CCSER1: variants seen among roughly 807,000 people sequenced by gnomAD.
The protein encoded by CCSER1 is serine-rich coiled-coil domain-containing protein 1.
Under a neutral mutation model 82.0 loss-of-function variants are expected in CCSER1, and 41 were observed. The ratio of observed to expected loss-of-function variants is 0.50; its 90% confidence interval spans 0.39 to 0.65. The LOEUF (loss-of-function observed/expected upper bound fraction) is 0.65, where lower values mean the gene tolerates loss of function less well. Ranked by LOEUF, CCSER1 falls within the 30% of genes least tolerant of loss-of-function variation. CCSER1 has a pLI of 0.00. For synonymous variants in CCSER1, 414 were observed against 383.9 expected, an observed-to-expected ratio of 1.08 and a Z score of -0.92; for missense variants, 1,119 against 1,064.2, an observed-to-expected ratio of 1.05 and a Z score of -0.72.
intron 10 of CCSER1, among the ~76,000 whole-genome samples, chr4:91,166,779 A>T (rs1290005459): frequency 6.6e-6 from 1 of 152,176 alleles, no homozygotes; most frequent in Non-Finnish European, 1.5e-5. Context: ...TGAAAGATTT[A>T]CGTGTAAACA....
intron 10 of CCSER1, among the ~76,000 whole-genome samples, chr4:91,151,387 C>T (rs1273868242): frequency 6.6e-6 from 1 of 151,846 alleles, no homozygotes; most frequent in Non-Finnish European, 1.5e-5. Flanking sequence ...TTGCTAGTGG[C>T]CTATCAATTT....
chr4:91,242,867 C>G (rs1739477167), intron 10 of CCSER1, among the ~76,000 whole-genome samples: 1 of 152,100 alleles, frequency 6.6e-6, no homozygotes, highest in Admixed American at 6.5e-5. Context: ...GAATAGAAGC[C>G]TACGTTGTTT....
At chr4:91,136,961 T>A (rs1273457132) in intron 10 of CCSER1, among the ~76,000 whole-genome samples, 2 of 152,046 alleles carry the variant, frequency 1.3e-5, no homozygotes, top group Non-Finnish European at 1.5e-5. Flanking sequence ...CCTAACTTAA[T>A]AGGGAATTCA....
At chr4:91,171,938 G>A (rs1411412964) in intron 10 of CCSER1, among the ~76,000 whole-genome samples, 2 of 151,146 alleles carry the variant, frequency 1.3e-5, no homozygotes, top group Non-Finnish European at 3.0e-5. Context: ...AAATATTCAG[G>A]GTCCAACTTT....
At chr4:90,880,519 C>T (rs1156326579) in intron 8 of CCSER1, among the ~76,000 whole-genome samples, 1 of 152,102 alleles carries the variant, frequency 6.6e-6, no homozygotes, top group Non-Finnish European at 1.5e-5. Flanking sequence ...GGGGTCTTTG[C>T]TACTTCATTA....
chr4:90,671,964 A>G (rs1732879478), intron 6 of CCSER1, among the ~76,000 whole-genome samples: 1 of 152,012 alleles, frequency 6.6e-6, no homozygotes, highest in Non-Finnish European at 1.5e-5. Flanking sequence ...TAATATTTTG[A>G]AAGGAATCTT....
At chr4:91,468,871 T>A (rs551751118) in intron 10 of CCSER1, among the ~76,000 whole-genome samples, 1 of 152,228 alleles carries the variant, frequency 6.6e-6, no homozygotes, top group Non-Finnish European at 1.5e-5. Context: ...TTGACTCATG[T>A]CTCATTGGTG....
rs928197400 is a variant in CCSER1, at chr4:90,863,066, T to C, written c.2094+47221T>C. 5.3e-5 allele frequency among the ~76,000 whole-genome samples: 8 copies of C among 151,480 alleles called. No homozygotes were observed. The South Asian group carries it at 1.7e-3, about 32-fold the overall frequency. On this transcript the variant is annotated intron_variant, in intron 8 of 10. Coordinates refer to ENST00000509176, the MANE Select transcript of CCSER1 (RefSeq NM_001145065.2). ...AACTCATCATTTAGCATTAGGTATA[T>C]CTCCTAATGCTATCCCTCCCCGCTC...
intron 6 of CCSER1, among the ~76,000 whole-genome samples, chr4:90,646,991 A>G (rs966898040): frequency 6.6e-6 from 1 of 152,128 alleles, no homozygotes; most frequent in Non-Finnish European, 1.5e-5. Flanking sequence ...ATTTTAAATG[A>G]TAGCCCAGGA....
intron 5 of CCSER1, among the ~76,000 whole-genome samples, chr4:90,625,503 T>G (rs2148899935): frequency 6.6e-6 from 1 of 152,252 alleles, no homozygotes; most frequent in Non-Finnish European, 1.5e-5. Context: ...TTAAGAATGG[T>G]TTTGATTACC....
At chr4:91,229,239 A>T (rs1350512966) in intron 10 of CCSER1, among the ~76,000 whole-genome samples, 5 of 150,942 alleles carry the variant, frequency 3.3e-5, no homozygotes, top group African/African-American at 1.2e-4. Context: ...GGGCAATATG[A>T]CTCTAACCTG....
chr4:91,540,267 C>T (rs184836625), intron 10 of CCSER1, among the ~76,000 whole-genome samples: 87 of 152,146 alleles, frequency 5.7e-4, no homozygotes, highest in Admixed American at 1.5e-3. Context: ...CATTAGGGTT[C>T]GCACTTGGTC....
intron 6 of CCSER1, among the ~76,000 whole-genome samples, chr4:90,673,579 T>C (rs1733215744): frequency 6.6e-6 from 1 of 151,968 alleles, no homozygotes; most frequent in Admixed American, 6.6e-5. Context: ...TTGAGGCACA[T>C]GGATCCTTCT....
chr4:90,337,694 G>A (rs1436901031), intron 3 of CCSER1, among the ~76,000 whole-genome samples: 1 of 151,448 alleles, frequency 6.6e-6, no homozygotes, highest in Admixed American at 6.6e-5. Flanking sequence ...GTTTCTGTGA[G>A]TTGTATCAAT....
intron 10 of CCSER1, among the ~76,000 whole-genome samples, chr4:91,424,207 C>G (rs975555673): frequency 6.6e-6 from 1 of 150,730 alleles, no homozygotes; most frequent in Non-Finnish European, 1.5e-5. Flanking sequence ...TTAGTAGAGA[C>G]GGGGTTTCAC....
chr4:91,003,774 C>T (rs573935259), intron 9 of CCSER1, among the ~76,000 whole-genome samples: 8 of 152,240 alleles, frequency 5.3e-5, no homozygotes, highest in South Asian at 4.2e-4. Flanking sequence ...AAAAAAAGTT[C>T]GACTGGAAAT....
intron 4 of CCSER1, among the ~76,000 whole-genome samples, chr4:90,413,006 C>T (rs575068883): frequency 2.0e-5 from 3 of 152,234 alleles, no homozygotes; most frequent in Admixed American, 2.0e-4. Flanking sequence ...AAGAGGAAGT[C>T]AAGCTGTCAC....
intron 10 of CCSER1, among the ~76,000 whole-genome samples, chr4:91,103,744 T>TA (rs1203100926): frequency 6.6e-6 from 1 of 152,186 alleles, no homozygotes; most frequent in East Asian, 1.9e-4. Context: ...AAATTGATTG[T>TA]AAAACGTGTG....
chr4:90,413,730 C>A (rs545630391), intron 4 of CCSER1, among the ~76,000 whole-genome samples: 25 of 150,868 alleles, frequency 1.7e-4, no homozygotes, highest in African/African-American at 6.1e-4. Context: ...CCAAGGCGGG[C>A]AGATCACGAG....
Sources: gnomAD v4.1 joint callset for allele counts (sites outside exome capture counted in the v4.1 genomes callset) on GRCh38, gnomAD v4.1.1 for gene constraint, MANE v1.5 for transcripts, NCBI Gene and HGNC (gene_info 2026-07-23, HGNC 2026-07-21) for gene names.